IQSEC1: variants seen among roughly 807,000 people sequenced by gnomAD.
IQSEC1 encodes the protein IQ motif and Sec7 domain ArfGEF 1.
In IQSEC1, 31 loss-of-function variants were observed where a neutral mutation model predicts 91.0. That is an observed-to-expected ratio of 0.34 (90% CI 0.26 to 0.46). The LOEUF (loss-of-function observed/expected upper bound fraction) is 0.46. IQSEC1 is among the 20% of genes least tolerant of loss of function. IQSEC1 has a pLI of 1.00. For missense variants in IQSEC1, 1,388 were observed against 1,575.6 expected, an observed-to-expected ratio of 0.88 and a Z score of 2.02; for synonymous variants, 699 against 662.6, an observed-to-expected ratio of 1.05 and a Z score of -0.84.
intron 1 of IQSEC1, among the ~76,000 whole-genome samples, chr3:12,988,414 C>CA (rs1701841016): frequency 2.0e-5 from 3 of 150,914 alleles, no homozygotes; most frequent in South Asian, 4.2e-4. Flanking sequence ...GGCTCTATCT[C>CA]AAAAAAATAA....
rs1371481673 is a variant in IQSEC1 at position 12,992,655 on chromosome 3, C to G, written c.24-50790G>C. Among the ~76,000 whole-genome samples the G allele has an allele frequency of 6.6e-6, 1 of 152,204 alleles. No homozygotes were observed. Among genetic ancestry groups the G allele is most frequent in the African/African-American group, 2.4e-5 (1 of 41,436 alleles). ...CCCTGCTCCCAGTCTAGGACAGGTCCCTCACCACCACAGATCACTGGGCAT... is the reference window on the plus strand; with the variant it reads ...CCCTGCTCCCAGTCTAGGACAGGTCGCTCACCACCACAGATCACTGGGCAT... On this transcript the variant is annotated intron_variant, in intron 1 of 13. Coordinates refer to ENST00000613206, the MANE Select transcript of IQSEC1 (RefSeq NM_001134382.3). This position sits in a 1 kb window ranked among gnomAD's most constrained non-coding sequence, Gnocchi z 4.1.
intron 2 of IQSEC1, among the ~76,000 whole-genome samples, chr3:13,145,106 C>T (rs926323893): frequency 6.6e-6 from 1 of 152,158 alleles, no homozygotes; most frequent in Admixed American, 6.5e-5. Flanking sequence ...GGCATGAGCC[C>T]CCCCATCTGC....
rs889032568 is a variant in IQSEC1 at position 12,924,170 on chromosome 3, A to T, written c.1730+411T>A. Among the ~76,000 whole-genome samples, 17 of 152,318 alleles carry T rather than the reference A, an allele frequency of 1.1e-4. No homozygotes were observed. The highest frequency in any genetic ancestry group is 4.1e-4 in the African/African-American group (17 of 41,582). On this transcript the variant is annotated intron_variant, in intron 4 of 13. Coordinates refer to ENST00000613206, the MANE Select transcript of IQSEC1 (RefSeq NM_001134382.3). This position sits in a 1 kb window ranked among gnomAD's most constrained non-coding sequence, Gnocchi z 6.3. Reference sequence around the variant, plus strand: ...CAGTCCATGCAGGAGGACAACAGCCAGGCCAGGGGAAGAGGCCCTGACGTC... The same window carrying T: ...CAGTCCATGCAGGAGGACAACAGCCTGGCCAGGGGAAGAGGCCCTGACGTC...
chr3:13,082,138 C>G (rs1393130155), intron 2 of IQSEC1, among the ~76,000 whole-genome samples: 6 of 152,192 alleles, frequency 3.9e-5, no homozygotes, highest in Admixed American at 1.3e-4. Flanking sequence ...TGCATCCCAG[C>G]TCTGTCACCT....
intron 1 of IQSEC1, among the ~76,000 whole-genome samples, chr3:13,235,932 T>A (rs1462898752): frequency 1.3e-5 from 2 of 151,910 alleles, no homozygotes; most frequent in Non-Finnish European, 2.9e-5. Flanking sequence ...AGATTGGGGG[T>A]TCTGGTCCCG....
At chr3:13,204,663 C>A (rs1381711695) in intron 1 of IQSEC1, among the ~76,000 whole-genome samples, 1 of 152,202 alleles carries the variant, frequency 6.6e-6, no homozygotes, top group East Asian at 1.9e-4. Context: ...ACGCAGTAGG[C>A]GCTCAGAAGG....
intron 1 of IQSEC1, among the ~76,000 whole-genome samples, chr3:13,254,683 T>TC (rs1259192736): frequency 6.6e-6 from 1 of 152,196 alleles, no homozygotes; most frequent in Non-Finnish European, 1.5e-5. Flanking sequence ...CTACTCGTTT[T>TC]CCTCCCTCCT....
At chr3:13,066,620 C>A (rs1381316800) in intron 1 of IQSEC1, among the ~76,000 whole-genome samples, 1 of 152,188 alleles carries the variant, frequency 6.6e-6, no homozygotes, top group Non-Finnish European at 1.5e-5. Flanking sequence ...TCGTGGGAGG[C>A]CAGGAGGACC....
chr3:13,142,739 T>C (rs1466265279), intron 2 of IQSEC1, among the ~76,000 whole-genome samples: 3 of 152,252 alleles, frequency 2.0e-5, no homozygotes, highest in African/African-American at 7.2e-5. Flanking sequence ...TCCATTGTTA[T>C]TGCAGCACAT....
At chr3:13,220,621 C>T (rs1451808847) in intron 1 of IQSEC1, among the ~76,000 whole-genome samples, 1 of 152,238 alleles carries the variant, frequency 6.6e-6, no homozygotes, top group Non-Finnish European at 1.5e-5. Context: ...CAAGGTCAGC[C>T]TCACGGCCAT....
intron 5 of IQSEC1, 35 bp from the exon 6 acceptor site, chr3:12,920,631 C>T (rs770705669): frequency 1.7e-5 from 28 of 1,607,914 alleles, no homozygotes; most frequent in Non-Finnish European, 1.4e-5. Context: ...AGGGCCATGG[C>T]GCAGCAAGTG....
chr3:12,964,022 C>A (rs181339805), intron 1 of IQSEC1, among the ~76,000 whole-genome samples: 2 of 152,230 alleles, frequency 1.3e-5, no homozygotes, highest in Non-Finnish European at 2.9e-5. Flanking sequence ...CATCGGGGTA[C>A]TAGCCACAGG....
intron 1 of IQSEC1, among the ~76,000 whole-genome samples, chr3:13,169,004 C>T (rs188605444): frequency 1.0e-3 from 157 of 152,292 alleles, no homozygotes; most frequent in Non-Finnish European, 1.9e-3. Context: ...TATTTATCAC[C>T]ATATTCCTTA....
At chr3:13,183,505 G>A (rs1210613073) in intron 1 of IQSEC1, among the ~76,000 whole-genome samples, 1 of 151,908 alleles carries the variant, frequency 6.6e-6, no homozygotes, top group African/African-American at 2.4e-5. Context: ...GGCAGAGGTT[G>A]CAGTGAGCCA....
At chr3:13,062,887 A>T (rs1311971233) in intron 1 of IQSEC1, among the ~76,000 whole-genome samples, 1 of 152,130 alleles carries the variant, frequency 6.6e-6, no homozygotes, top group Non-Finnish European at 1.5e-5. Context: ...TGCCAATAAA[A>T]CATTTTTCTA....
chr3:13,277,798 G>A (rs1012593698), intron 1 of IQSEC1, among the ~76,000 whole-genome samples: 7 of 152,142 alleles, frequency 4.6e-5, no homozygotes, highest in Non-Finnish European at 8.8e-5. Flanking sequence ...AGCCCTCTCG[G>A]CCTCACTCAG....
intron 1 of IQSEC1, among the ~76,000 whole-genome samples, chr3:13,167,776 C>T (rs900663855): frequency 1.3e-5 from 2 of 152,234 alleles, no homozygotes; most frequent in African/African-American, 4.8e-5. Flanking sequence ...TGCAGACTGC[C>T]CCCTTCGCCA....
Position 12,900,780 on chromosome 3 carries a change from T to C in IQSEC1, c.*203A>G. 2 of 1,445,574 alleles carry C rather than the reference T, an allele frequency of 1.4e-6. No homozygotes were observed. The highest frequency in any genetic ancestry group is 1.8e-6 in the Non-Finnish European group (2 of 1,104,158). 89.5% of individuals were successfully genotyped at this position (1,445,574 alleles called of 1,614,324 possible). Reference sequence around the variant, plus strand: ...AGACTGAGGTGAGCAGAGCCCAGGGTGCCAACAAGAAATGAAATCTGGGCC... The same window carrying C: ...AGACTGAGGTGAGCAGAGCCCAGGGCGCCAACAAGAAATGAAATCTGGGCC... On this transcript the variant is annotated 3_prime_UTR_variant, in exon 14 of 14. Coordinates refer to ENST00000613206, the MANE Select transcript of IQSEC1 (RefSeq NM_001134382.3).
chr3:13,055,182 T>C (rs1464039303), intron 1 of IQSEC1, among the ~76,000 whole-genome samples: 2 of 152,184 alleles, frequency 1.3e-5, no homozygotes, highest in Non-Finnish European at 2.9e-5. Context: ...CAAACTGCCC[T>C]GCCCAGGAGC....
Sources: gnomAD v4.1 joint callset for allele counts (sites outside exome capture counted in the v4.1 genomes callset) on GRCh38, gnomAD v4.1.1 for gene constraint, Gnocchi (gnomAD v3.1) non-coding constraint, MANE v1.5 for transcripts, NCBI Gene and HGNC (gene_info 2026-07-23, HGNC 2026-07-21) for gene names.